MYO19: variants seen among roughly 807,000 people sequenced by gnomAD.
MYO19 encodes the protein myosin XIX, also known as unconventional myosin-XIX.
Under a neutral mutation model 129.2 loss-of-function variants are expected in MYO19, and 132 were observed. That is an observed-to-expected ratio of 1.02 (90% CI 0.89 to 1.18). The LOEUF (loss-of-function observed/expected upper bound fraction) is 1.18. MYO19 is among the 50% of genes most tolerant of loss of function. MYO19 has a pLI of 0.00. For synonymous variants in MYO19, 531 were observed against 477.2 expected, an observed-to-expected ratio of 1.11 and a Z score of -1.47; for missense variants, 1,210 against 1,216.7, an observed-to-expected ratio of 0.99 and a Z score of 0.08.
At chr17:36,538,523 G>A (rs766427195), upstream of MYO19, 2 of 1,613,854 alleles carry the variant, frequency 1.2e-6, no homozygotes, top group East Asian at 2.2e-5. Context: ...GCAGTACCTT[G>A]TGGGCCTTAT....
upstream of MYO19, among the ~76,000 whole-genome samples, chr17:36,536,047 T>C (rs1281279480): frequency 6.6e-6 from 1 of 152,186 alleles, no homozygotes; most frequent in Non-Finnish European, 1.5e-5. Flanking sequence ...AACTCTAGGT[T>C]CATGTTTAAC....
At chr17:36,506,939 C>T in intron 17 of MYO19, 24 bp downstream of exon 17, 1 of 1,554,146 alleles carries the variant, frequency 6.4e-7, no homozygotes. Flanking sequence ...TCGCAGGCCC[C>T]ACAGGGCATG....
chr17:36,504,886 C>A, intron 19 of MYO19: 1 of 273,664 alleles, frequency 3.7e-6, no homozygotes, highest in South Asian at 3.5e-5. Context: ...GCACTCCAGC[C>A]TGGGTGACAG....
At chr17:36,496,800 G>C (rs1393608827) in intron 25 of MYO19, among the ~76,000 whole-genome samples, 1 of 152,174 alleles carries the variant, frequency 6.6e-6, no homozygotes, top group Admixed American at 6.5e-5. Context: ...CCATGCAGTA[G>C]GTTGAGTATT....
intron 6 of MYO19, among the ~76,000 whole-genome samples, chr17:36,524,050 A>G (rs1481583824): frequency 1.3e-5 from 2 of 152,176 alleles, no homozygotes; most frequent in African/African-American, 4.8e-5. Context: ...GCTGCTCAAT[A>G]AAGGGTTACC....
At chr17:36,510,573 C>G (rs2072246469) in intron 13 of MYO19, among the ~76,000 whole-genome samples, 173 bp downstream of exon 13, 1 of 152,222 alleles carries the variant, frequency 6.6e-6, no homozygotes, top group African/African-American at 2.4e-5. Context: ...TTGGTGAAAC[C>G]TGGGAGCTGT....
upstream of MYO19, chr17:36,537,691 A>G (rs1330731548): frequency 6.2e-7 from 1 of 1,613,984 alleles, no homozygotes; most frequent in Non-Finnish European, 8.5e-7. Flanking sequence ...TCCAAATTGC[A>G]TTACTTTACA....
rs763658919 is a variant in MYO19, at chr17:36,525,273, TG to T, written c.368del (p.Pro123GlnfsTer23). On this transcript the variant is annotated frameshift_variant, in exon 6 of 26. Transcript: ENST00000614623. LOFTEE classifies it high-confidence loss of function. ...CACTGACAACAATAGACTGGTTGAC[TG>T]GTTCAATCAGGCTCTTGACATTCCT... ...TYRNVKSLIEPVNQSIVVSGE... is the reference protein window; with the variant it reads ...TYRNVKSLIEXVNQSIVVSGE... 1 of 1,614,020 alleles carries T rather than the reference TG, an allele frequency of 6.2e-7. No homozygotes were observed. Among genetic ancestry groups the T allele is most frequent in the Non-Finnish European group, 8.5e-7 (1 of 1,179,874 alleles).
intron 12 of MYO19, 40 bp from the exon 13 acceptor site, chr17:36,510,957 T>C (rs1006660889): frequency 6.5e-7 from 1 of 1,534,484 alleles, no homozygotes; most frequent in African/African-American, 1.4e-5. Flanking sequence ...TCACTCTCCA[T>C]CCAGTCCTCT....
intron 6 of MYO19, among the ~76,000 whole-genome samples, chr17:36,524,022 C>G (rs1260297547): frequency 6.6e-6 from 1 of 152,172 alleles, no homozygotes; most frequent in Non-Finnish European, 1.5e-5. Flanking sequence ...ATACCAGGCC[C>G]AGCCCAGGGC....
At chr17:36,506,855 G>C (rs2071931357) in intron 17 of MYO19, 108 bp downstream of exon 17, 2 of 1,324,620 alleles carry the variant, frequency 1.5e-6, no homozygotes, top group African/African-American at 3.0e-5. Flanking sequence ...GATTCTGGGA[G>C]GAGGTTCAGG....
chr17:36,507,651 G>T, intron 15 of MYO19, 139 bp from the exon 16 acceptor site: 1 of 1,258,266 alleles, frequency 7.9e-7, no homozygotes, highest in Non-Finnish European at 1.1e-6. Flanking sequence ...ACATTACATT[G>T]TACTCCATAT....
Position 36,507,515 on chromosome 17 carries a change from A to G in MYO19, c.1354-3T>C, listed in dbSNP as rs893217442. The G allele has an allele frequency of 2.5e-6, 4 of 1,612,802 alleles. No homozygotes were observed. The African/African-American group carries it at 5.3e-5, about 22-fold the overall frequency. ...AGGCCCTCAACTGCGTATTCCTCCTAAAGAACAAGGTGGGATGAGGTGGGA... is the reference window on the plus strand; with the variant it reads ...AGGCCCTCAACTGCGTATTCCTCCTGAAGAACAAGGTGGGATGAGGTGGGA... On this transcript the variant is annotated splice_polypyrimidine_tract_variant and splice_region_variant and intron_variant, in intron 15 of 25. Coordinates refer to ENST00000614623, the MANE Select transcript of MYO19 (RefSeq NM_001163735.2).
chr17:36,541,842 G>C (rs971767620), intron 2 of MYO19, among the ~76,000 whole-genome samples: 4 of 152,170 alleles, frequency 2.6e-5, no homozygotes, highest in African/African-American at 9.7e-5. Context: ...TGCAGTACTG[G>C]TGGTTATGGC....
chr17:36,498,749 T>C, intron 24 of MYO19, 190 bp from the exon 25 acceptor site: 1 of 632,030 alleles, frequency 1.6e-6, no homozygotes, highest in Non-Finnish European at 2.7e-6. Flanking sequence ...GCAACTGTGC[T>C]TAGGCCTTAC....
chr17:36,543,313 G>C (rs1023559678), exon 1 of MYO19: 2 of 151,782 alleles, frequency 1.3e-5, no homozygotes, highest in African/African-American at 4.8e-5. Context: ...GCGCCACCAC[G>C]CTCGGCTAAT....
In MYO19 at chr17:36,507,880, G is replaced by A; in HGVS notation, c.1276C>T (p.Leu426=). 1 of 1,612,836 alleles carries A rather than the reference G, an allele frequency of 6.2e-7. No homozygotes were observed. The highest frequency in any genetic ancestry group is 8.5e-7 in the Non-Finnish European group (1 of 1,179,334). The change falls in exon 15 of 26, where the codon CTG becomes TTG. Residue 426 remains leucine (L), a synonymous_variant. Coordinates refer to ENST00000614623, the MANE Select transcript of MYO19 (RefSeq NM_001163735.2). ...GCGTAGTTGATGCACAACTGTTCCA[G>A]ACTGTTGTCAGGAAATGATTCAAAT... ...YGFESFPDNS[L]EQLCINYANE...
At chr17:36,520,369 G>C (rs1440244293) in intron 6 of MYO19, among the ~76,000 whole-genome samples, 1 of 152,030 alleles carries the variant, frequency 6.6e-6, no homozygotes, top group African/African-American at 2.4e-5. Context: ...GGCAATTTTT[G>C]AGCTTTTTGG....
chr17:36,514,666 T>C, intron 8 of MYO19, 118 bp from the exon 9 acceptor site: 1 of 694,748 alleles, frequency 1.4e-6, no homozygotes, highest in Non-Finnish European at 2.6e-6. Context: ...CTCTTCCACT[T>C]AGCCAATGGG....
Sources: gnomAD v4.1 joint callset for allele counts (sites outside exome capture counted in the v4.1 genomes callset) on GRCh38, gnomAD v4.1.1 for gene constraint, MANE v1.5 for transcripts, NCBI Gene and HGNC (gene_info 2026-07-23, HGNC 2026-07-21) for gene names.